The following ODF2 variants were observed in gnomAD, a reference collection of about 807,000 sequenced individuals.
ODF2 encodes the protein outer dense fiber of sperm tails 2, also known as outer dense fiber protein 2.
Under a neutral mutation model 110.2 loss-of-function variants are expected in ODF2, and 47 were observed. That is an observed-to-expected ratio of 0.43 (90% confidence interval 0.34 to 0.54). ODF2 has a LOEUF of 0.54. ODF2 is among the 20% of genes least tolerant of loss of function. ODF2 has a pLI of 0.03. For synonymous variants in ODF2, 352 were observed against 397.7 expected, an observed-to-expected ratio of 0.89 and a Z score of 1.37; for missense variants, 812 against 1,054.5, an observed-to-expected ratio of 0.77 and a Z score of 3.19.
chr9:128,455,676 G>GA (rs1834624249), upstream of ODF2, among the ~76,000 whole-genome samples: 1 of 126,318 alleles, frequency 7.9e-6, no homozygotes, highest in Admixed American at 7.5e-5. Context: ...GATGTGGGCA[G>GA]GGGAGAGGCC....
upstream of ODF2, chr9:128,456,021 T>G: frequency 7.0e-7 from 1 of 1,435,064 alleles, no homozygotes; most frequent in South Asian, 1.4e-5. Flanking sequence ...GGGCGGGGCA[T>G]CTCTGTGACG....
chr9:128,487,517 G>T (rs947032513), intron 13 of ODF2, among the ~76,000 whole-genome samples: 27 of 152,132 alleles, frequency 1.8e-4, no homozygotes, highest in Non-Finnish European at 2.6e-4. Flanking sequence ...GCCGGGTGCG[G>T]TGGCTCACAC....
At chr9:128,493,535 C>G (rs931319289) in intron 16 of ODF2, among the ~76,000 whole-genome samples, 1 of 152,198 alleles carries the variant, frequency 6.6e-6, no homozygotes, top group African/African-American at 2.4e-5. Context: ...CTCCCATCCT[C>G]TTCCCAAAGA....
chr9:128,496,288 C>T, intron 18 of ODF2, 147 bp downstream of exon 18: 1 of 1,506,318 alleles, frequency 6.6e-7, no homozygotes, highest in South Asian at 1.2e-5. Context: ...AAGCTGCTTC[C>T]ATTTCAGTGG....
rs4075146 is a variant in ODF2, at chr9:128,484,897, C to G, written c.1290+11C>G. The G allele has an allele frequency of 6.2e-7, 1 of 1,608,400 alleles. No homozygotes were observed. On this transcript the variant is annotated intron_variant, in intron 12 of 20. Transcript: ENST00000604420. The stretch of plus-strand genomic sequence containing the variant: ...CAACTCGCTGACAAGGTCGCAGGCC[C>G]GCGGTGCCCAGCTCCTCACCTGCCC...
intron 1 of ODF2, chr9:128,456,944 G>T: frequency 1.6e-6 from 2 of 1,240,218 alleles, no homozygotes; most frequent in Admixed American, 7.1e-5. Context: ...ACAGTTGTCC[G>T]GCCCCGCCCC....
At chr9:128,473,042 A>G (rs4512487) in exon 7 of ODF2, 1,610,404 of 1,614,014 alleles carry the variant, frequency 1, 803,458 homozygotes, top group East Asian at 1. Flanking sequence ...AGCTGAAAAC[A>G]GTAGGTGGCA....
chr9:128,487,624 A>G (rs1227490304), intron 13 of ODF2, among the ~76,000 whole-genome samples: 1 of 152,070 alleles, frequency 6.6e-6, no homozygotes, highest in Non-Finnish European at 1.5e-5. Flanking sequence ...CGTCTCTACT[A>G]AAAATACAAG....
At chr9:128,470,043 AT>A (rs1429536079) in intron 5 of ODF2, among the ~76,000 whole-genome samples, 1 of 101,076 alleles carries the variant, frequency 9.9e-6, no homozygotes, top group Non-Finnish European at 2.0e-5. Context: ...ATATATATAT[AT>A]ATAAATAAAA....
In ODF2 at chr9:128,456,870, C is replaced by T. The variant is rs1473076899; in HGVS notation, c.-208-328C>T. ...GGGCCCGTGCAACCTCCGCGCCTCC[C>T]TCCTTTAAACACTATTGGTCCTCTC... On this transcript the variant is annotated intron_variant, in intron 1 of 20. Transcript: ENST00000604420. 5.4e-6 allele frequency: 7 copies of T among 1,299,240 alleles called. No homozygotes were observed. In the South Asian group the frequency reaches 5.6e-5, roughly 10 times the overall value. 80.5% of individuals were successfully genotyped at this position (1,299,240 alleles called of 1,614,324 possible). A position where few individuals can be genotyped will look rare whatever the true frequency, so the allele number is the denominator to read the frequency against.
chr9:128,478,764 T>C (rs1195011010), intron 8 of ODF2, among the ~76,000 whole-genome samples: 1 of 152,164 alleles, frequency 6.6e-6, no homozygotes, highest in Non-Finnish European at 1.5e-5. Flanking sequence ...CTCAGCTCCT[T>C]GGTGCCCATC....
intron 2 of ODF2, among the ~76,000 whole-genome samples, chr9:128,458,183 G>T (rs1389625622): frequency 6.6e-6 from 1 of 152,072 alleles, no homozygotes; most frequent in African/African-American, 2.4e-5. Context: ...AGGTGCGGTG[G>T]CTCATGCCTG....
intron 4 of ODF2, among the ~76,000 whole-genome samples, chr9:128,468,541 TAGA>T (rs1277347433): frequency 6.6e-6 from 1 of 151,914 alleles, no homozygotes; most frequent in South Asian, 2.1e-4. Flanking sequence ...TTTTTTTTTT[TAGA>T]AGGAGTTTCG....
At chr9:128,499,092 C>T (rs1284269633) in exon 20 of ODF2, 24 of 1,613,990 alleles carry the variant, frequency 1.5e-5, no homozygotes, top group African/African-American at 6.7e-5. Context: ...AGAACCAAAA[C>T]GGAATTGAGC....
chr9:128,490,874 T>A (rs754857253), intron 14 of ODF2, among the ~76,000 whole-genome samples: 4 of 152,222 alleles, frequency 2.6e-5, no homozygotes, highest in Non-Finnish European at 5.9e-5. Flanking sequence ...ACACCATGAT[T>A]TATATTGTCC....
In ODF2 at chr9:128,482,888, G is replaced by GTAGT; in HGVS notation, c.987+2_987+5dup. The GTAGT allele has an allele frequency of 6.4e-7, 1 of 1,560,506 alleles. No homozygotes were observed. The highest frequency in any genetic ancestry group is 1.2e-5 in the South Asian group (1 of 85,396). On this transcript the variant is annotated splice_donor_variant, in intron 10 of 20. Coordinates refer to ENST00000604420, the Ensembl canonical transcript of ODF2. LOFTEE classifies it high-confidence loss of function. ...CCTTCAGGAAATACAATGTGAGAAG[G>GTAGT]TAGTGTGCTTTTTTTTTTTTTTTTT...
chr9:128,495,508 T>A (rs1296006851), intron 17 of ODF2, among the ~76,000 whole-genome samples: 2 of 152,242 alleles, frequency 1.3e-5, no homozygotes, highest in Non-Finnish European at 2.9e-5. Flanking sequence ...CCGTTGAACC[T>A]GAGCATTCTC....
Position 128,484,726 on chromosome 9 carries a change from A to G in ODF2, c.1130A>G (p.His377Arg), listed in dbSNP as rs142236994. Residue 377 changes from histidine (H) to arginine (R), a missense_variant, in exon 12 of 21, where the codon CAT (histidine) becomes CGT (arginine). Transcript: ENST00000604420. ...AATCTGGAGCGCAGCGGGAATCAGC[A>G]TAAGGCAGAAGTGGAGGCCATCATG... is the stretch of plus-strand genomic sequence containing the variant. The G allele has an allele frequency of 2.5e-4, 392 of 1,584,908 alleles. No individual in the cohort carries two copies. The highest frequency in any genetic ancestry group is 3.3e-4 in the Non-Finnish European group (379 of 1,165,568).
In ODF2 at chr9:128,474,361, C is replaced by T. The variant is rs187903481; in HGVS notation, c.843+620C>T. On this transcript the variant is annotated intron_variant, in intron 8 of 20. Transcript: ENST00000604420. ...TACAAAAATTAGCCAGGTGTGGTGG[C>T]GTGCACCTGTAATCCCAGCTACTCT... Among the ~76,000 whole-genome samples the T allele has an allele frequency of 2.6e-3, 399 of 152,232 alleles. 2 individuals are homozygous for T. The highest frequency in any genetic ancestry group is 4.0e-3 in the Non-Finnish European group (271 of 68,026).
Sources: allele counts gnomAD v4.1 joint callset (sites outside exome capture counted in the v4.1 genomes callset), GRCh38; gene constraint gnomAD v4.1.1; transcripts MANE v1.5; gene names NCBI Gene and HGNC (gene_info 2026-07-23, HGNC 2026-07-21).